NSUN6: variants seen among roughly 807,000 people sequenced by gnomAD.
NSUN6 encodes the protein tRNA (cytosine(72)-C(5))-methyltransferase NSUN6.
A neutral mutation model predicts 58.0 loss-of-function variants in NSUN6; 64 were observed. The ratio of observed to expected loss-of-function variants is 1.10; its 90% CI spans 0.90 to 1.36. The LOEUF (loss-of-function observed/expected upper bound fraction) is 1.36. NSUN6 is among the 40% of genes most tolerant of loss of function. The pLI, the probability that NSUN6 is intolerant of heterozygous loss-of-function variation, is 0.00. For missense variants in NSUN6, 701 were observed against 550.1 expected (o/e 1.27, Z -2.74); for synonymous variants, 231 against 193.9 (o/e 1.19, Z -1.59).
At chr10:18,588,998 A>G (rs2057278859) in intron 7 of NSUN6, among the ~76,000 whole-genome samples, 2 of 152,226 alleles carry the variant, frequency 1.3e-5, no homozygotes, top group African/African-American at 4.8e-5. Flanking sequence ...TTCTAACCCA[A>G]TGCAAGGAAG....
chr10:18,599,988 G>C (rs1333177040), intron 6 of NSUN6, among the ~76,000 whole-genome samples: 1 of 152,178 alleles, frequency 6.6e-6, no homozygotes, highest in Non-Finnish European at 1.5e-5. Context: ...TAGTACAGTT[G>C]TAATTTTAAT....
intron 1 of NSUN6, 123 bp downstream of exon 1, chr10:18,651,006 G>T: frequency 9.0e-7 from 1 of 1,113,812 alleles, no homozygotes; most frequent in Non-Finnish European, 1.3e-6. Flanking sequence ...TTTTACACTT[G>T]ATAGACAAGT....
intron 6 of NSUN6, among the ~76,000 whole-genome samples, chr10:18,598,876 T>C (rs542408659): frequency 2.0e-5 from 3 of 152,218 alleles, no homozygotes; most frequent in Non-Finnish European, 4.4e-5. Flanking sequence ...GACAGCTGGC[T>C]ATGCTTCACT....
chr10:18,591,572 CAA>C (rs1270892521), intron 7 of NSUN6, among the ~76,000 whole-genome samples: 1 of 152,122 alleles, frequency 6.6e-6, no homozygotes, highest in African/African-American at 2.4e-5. Context: ...TCAACACACT[CAA>C]ATCAAAAAAC....
chr10:18,577,693 T>A (rs534780242), intron 8 of NSUN6, among the ~76,000 whole-genome samples: 2 of 152,344 alleles, frequency 1.3e-5, no homozygotes, highest in Admixed American at 6.5e-5. Flanking sequence ...AATCAATATG[T>A]CAGTATGTTC....
At chr10:18,564,484 T>C (rs188710812) in intron 8 of NSUN6, among the ~76,000 whole-genome samples, 82 of 150,978 alleles carry the variant, frequency 5.4e-4, no homozygotes, top group African/African-American at 1.9e-3. Flanking sequence ...CTCAATTTCA[T>C]TCCATTCCAT....
intron 8 of NSUN6, among the ~76,000 whole-genome samples, chr10:18,559,803 AGAATGGAAAAGAGAATG>A (rs1456961592): frequency 2.3e-5 from 3 of 128,410 alleles, no homozygotes; most frequent in East Asian, 9.2e-4. Flanking sequence ...AATGGAGAAT[AGAATGGAAAAGAGAATG>A]GAATGGAATG....
chr10:18,658,597 T>G, upstream of NSUN6: 1 of 874,876 alleles, frequency 1.1e-6, no homozygotes, highest in Non-Finnish European at 1.4e-6. Context: ...CTTGGCAAAA[T>G]GGAGAGGGGT....
chr10:18,562,626 G>A (rs2055606345), intron 8 of NSUN6, among the ~76,000 whole-genome samples: 1 of 149,806 alleles, frequency 6.7e-6, no homozygotes, highest in Non-Finnish European at 1.5e-5. Flanking sequence ...ATGAAATACA[G>A]AATGGAAGAG....
At chr10:18,587,563 G>A (rs942824010) in intron 7 of NSUN6, among the ~76,000 whole-genome samples, 2 of 152,136 alleles carry the variant, frequency 1.3e-5, no homozygotes, top group African/African-American at 2.4e-5. Context: ...GAACGTGAGT[G>A]ATTTCTGCAT....
chr10:18,545,938 T>C lies in NSUN6; in HGVS notation c.1405A>G (p.Thr469Ala). ...TCTGAGCATCCATCCCTCTCCTATGTGCTTTTGCATTTTACAAATTTTGCA... is the reference window on the plus strand; with the variant it reads ...TCTGAGCATCCATCCCTCTCCTATGCGCTTTTGCATTTTACAAATTTTGCA... ...FIAKFVKCKST is the reference protein window; with the variant it reads ...FIAKFVKCKSA Residue 469 changes from threonine to alanine, a missense_variant, in exon 11 of 11, where the codon ACA (threonine) becomes GCA (alanine). Thr to Ala is a moderately conservative substitution (Grantham distance 58, BLOSUM62 0). Transcript: ENST00000377304. The C allele has an allele frequency of 1.9e-6, 3 of 1,543,308 alleles. No individual in the cohort carries two copies. Among genetic ancestry groups the C allele is most frequent in the South Asian group, 2.3e-5 (2 of 85,222 alleles).
intron 6 of NSUN6, among the ~76,000 whole-genome samples, chr10:18,602,714 G>A (rs1406803655): frequency 1.3e-5 from 2 of 152,086 alleles, no homozygotes; most frequent in African/African-American, 4.8e-5. Flanking sequence ...GCAGCCTTTG[G>A]CAGTCCAGTC....
At chr10:18,623,742 T>G (rs2058690028) in intron 3 of NSUN6, among the ~76,000 whole-genome samples, 1 of 152,186 alleles carries the variant, frequency 6.6e-6, no homozygotes, top group South Asian at 2.1e-4. Flanking sequence ...TTGCTGCTCA[T>G]GACTTAAGTT....
At chr10:18,562,266 T>TGGAATGGAATAGAATGG (rs1390709229) in intron 8 of NSUN6, among the ~76,000 whole-genome samples, 1 of 147,732 alleles carries the variant, frequency 6.8e-6, no homozygotes, top group Non-Finnish European at 1.5e-5. Context: ...GAATGCAGAA[T>TGGAATGGAATAGAATGG]GGAATGGAAT....
At chr10:18,646,956 G>T (rs781274463) in intron 2 of NSUN6, among the ~76,000 whole-genome samples, 1 of 152,032 alleles carries the variant, frequency 6.6e-6, no homozygotes, top group African/African-American at 2.4e-5. Flanking sequence ...AGTTGCTTAG[G>T]GCAACTACTT....
At chr10:18,656,464 G>C (rs1227191099), upstream of NSUN6, among the ~76,000 whole-genome samples, 2 of 152,148 alleles carry the variant, frequency 1.3e-5, no homozygotes, top group African/African-American at 4.8e-5. Flanking sequence ...TTGAACCCGG[G>C]AGGCAGAGGT....
chr10:18,640,379 A>G (rs2059354950), intron 3 of NSUN6, among the ~76,000 whole-genome samples: 1 of 152,238 alleles, frequency 6.6e-6, no homozygotes, highest in African/African-American at 2.4e-5. Context: ...TTCTATAAAG[A>G]AAAACCTAAT....
At chr10:18,635,074 G>A (rs910562702) in intron 3 of NSUN6, among the ~76,000 whole-genome samples, 20 of 152,280 alleles carry the variant, frequency 1.3e-4, no homozygotes, top group African/African-American at 4.6e-4. Flanking sequence ...GGAGTCTGGG[G>A]ATTTTGGTAT....
chr10:18,633,097 T>C (rs1236143320), intron 3 of NSUN6, among the ~76,000 whole-genome samples: 1 of 151,882 alleles, frequency 6.6e-6, no homozygotes, highest in African/African-American at 2.4e-5. Flanking sequence ...TGAGTTCGTG[T>C]CCTTTGTAGG....
Sources: gnomAD v4.1 joint callset for allele counts (sites outside exome capture counted in the v4.1 genomes callset) on GRCh38, gnomAD v4.1.1 for gene constraint, MANE v1.5 for transcripts, NCBI Gene and HGNC (gene_info 2026-07-23, HGNC 2026-07-21) for gene names.